Variants in IVD observed in about 807,000 individuals in gnomAD.
The protein encoded by IVD is isovaleryl-CoA dehydrogenase.
IVD carries 31 observed loss-of-function variants against 51.3 expected under a neutral mutation model. The observed-to-expected ratio is 0.60, with a 90% confidence interval of 0.45 to 0.81. The LOEUF (loss-of-function observed/expected upper bound fraction) is 0.81, where lower values mean the gene tolerates loss of function less well. Ranked by LOEUF, IVD falls within the 40% of genes least tolerant of loss-of-function variation. The pLI is 0.00. For synonymous variants in IVD, 205 were observed against 219.4 expected (o/e 0.93, Z 0.58); for missense variants, 475 against 552.0 (o/e 0.86, Z 1.40).
intron 4 of IVD, 72 bp downstream of exon 4, chr15:40,410,869 T>A: frequency 1.3e-6 from 2 of 1,548,672 alleles, no homozygotes; most frequent in Non-Finnish European, 1.8e-6. Context: ...CCTCTCCCCT[T>A]GGGGGCCAGT....
rs1022251731 is a variant in IVD at position 40,413,181 on chromosome 15, G to A, written c.784+94G>A. On this transcript the variant is annotated intron_variant, in intron 7 of 11. Coordinates refer to ENST00000487418, the MANE Select transcript of IVD (RefSeq NM_002225.5). The stretch of plus-strand genomic sequence containing the variant: ...GTTGAGAAAGCCTCTGGGTTAGAGA[G>A]GCTTGGCATTGTTAGCGCTTCAGTG... 27 of 1,016,752 alleles carry A rather than the reference G, an allele frequency of 2.7e-5. 1 individual carries two copies. In the South Asian group the frequency reaches 2.8e-4, roughly 10 times the overall value. The allele number at this position is 1,016,752 out of a possible 1,614,324, so 63.0% of individuals were successfully genotyped here.
chr15:40,427,148 C>T (rs906048108), downstream of IVD, among the ~76,000 whole-genome samples: 4 of 152,144 alleles, frequency 2.6e-5, no homozygotes, highest in African/African-American at 9.7e-5. Flanking sequence ...GGATCAGTGG[C>T]GGAAGTACAG....
downstream of IVD, among the ~76,000 whole-genome samples, chr15:40,427,697 A>G (rs1296267054): frequency 6.6e-6 from 1 of 152,222 alleles, no homozygotes; most frequent in East Asian, 1.9e-4. Context: ...AATTAAGATA[A>G]CTTTACTATA....
chr15:40,422,848 C>T (rs1262923352), downstream of IVD, among the ~76,000 whole-genome samples: 1 of 150,210 alleles, frequency 6.7e-6, no homozygotes, highest in Non-Finnish European at 1.5e-5. Flanking sequence ...GATCCACCGG[C>T]CTCAGCCTCC....
Position 40,411,245 on chromosome 15 carries a change from G to A in IVD, c.457-15G>A, listed in dbSNP as rs773402809. On this transcript the variant is annotated splice_polypyrimidine_tract_variant and intron_variant, in intron 4 of 11. Transcript: ENST00000487418. ...CTGAGGTTGTAACAAGGCCTGTTGG[G>A]GGTTTTCCTTGCAGCTGATCAGTGG... The A allele has an allele frequency of 6.2e-7, 1 of 1,613,652 alleles. No homozygotes were observed. The highest frequency in any genetic ancestry group is 1.1e-5 in the South Asian group (1 of 91,066).
rs751297903 is a variant in IVD at position 40,405,914 on chromosome 15, C to G, written c.87C>G (p.Ala29=). 1.2e-6 allele frequency: 2 copies of G among 1,613,190 alleles called. No homozygotes were observed. The highest frequency in any genetic ancestry group is 1.7e-5 in the Admixed American group (1 of 59,998). The change falls in exon 1 of 12, where the codon GCC becomes GCG. Residue 29 remains alanine (A), a synonymous_variant. Transcript: ENST00000487418. The part of the protein sequence containing the change: ...PPLAGFVSQR[A]HSLLPVDDAI... ...TTGCCGGCTTCGTTTCCCAGCGGGC[C>G]CACTCGCTTTTGCCCGTGGACGATG...
downstream of IVD, chr15:40,424,265 C>A: frequency 9.2e-7 from 1 of 1,088,704 alleles, no homozygotes; most frequent in Non-Finnish European, 1.2e-6. Context: ...TCCCCCTGGG[C>A]CTTCCCCTTC....
In IVD at chr15:40,418,600, T is replaced by A; in HGVS notation, c.*337T>A. 1.1e-6 allele frequency: 1 copy of A among 910,980 alleles called. No individual in the cohort carries two copies. The highest frequency in any genetic ancestry group is 1.4e-6 in the Non-Finnish European group (1 of 715,906). The allele number at this position is 910,980 out of a possible 1,614,324, so 56.4% of individuals were successfully genotyped here. ...GGGTAGGCACCTGGGGGCATGCAGGTGCCCACCTCCCAGGGTAGGCACCTG... is the reference window on the plus strand; with the variant it reads ...GGGTAGGCACCTGGGGGCATGCAGGAGCCCACCTCCCAGGGTAGGCACCTG... On this transcript the variant is annotated 3_prime_UTR_variant, in exon 12 of 12. Transcript: ENST00000487418.
At chr15:40,424,016 G>A (rs564541672), downstream of IVD, 20 of 415,550 alleles carry the variant, frequency 4.8e-5, no homozygotes, top group South Asian at 3.5e-4. Context: ...GCAGGGGGCC[G>A]TTCCAGAATT....
Position 40,420,105 on chromosome 15 carries a change from A to G in IVD, c.*1842A>G, listed in dbSNP as rs1330620777. ...GCAACAGAGTGAGACTCTGTCTCAAAAAATAATAATAAAATAAATGAACAC... is the reference window on the plus strand; with the variant it reads ...GCAACAGAGTGAGACTCTGTCTCAAGAAATAATAATAAAATAAATGAACAC... On this transcript the variant is annotated 3_prime_UTR_variant, in exon 12 of 12. Coordinates refer to ENST00000487418, the MANE Select transcript of IVD (RefSeq NM_002225.5). The G allele has an allele frequency of 2.0e-6, 2 of 984,334 alleles. No individual in the cohort carries two copies. The highest frequency in any genetic ancestry group is 2.3e-4 in the East Asian group (2 of 8,782). The allele number at this position is 984,334 out of a possible 1,614,324, so 61.0% of individuals were successfully genotyped here. A position where few individuals can be genotyped will look rare whatever the true frequency, so the allele number is the denominator to read the frequency against.
Position 40,415,495 on chromosome 15 carries a change from C to G in IVD, c.960+13C>G. 1 of 1,610,758 alleles carries G rather than the reference C, an allele frequency of 6.2e-7. No homozygotes were observed. Among genetic ancestry groups the G allele is most frequent in the Non-Finnish European group, 8.5e-7 (1 of 1,177,286 alleles). The stretch of plus-strand genomic sequence containing the variant: ...CGGCCACTTCCAGGTGAGCCGAGTG[C>G]TTTTGCTGACATGTACTCTTCAACT... On this transcript the variant is annotated intron_variant, in intron 9 of 11. Transcript: ENST00000487418.
chr15:40,417,559 A>G (rs1262294289), intron 11 of IVD, among the ~76,000 whole-genome samples: 1 of 152,058 alleles, frequency 6.6e-6, no homozygotes, highest in African/African-American at 2.4e-5. Context: ...ATAAGTTTCA[A>G]ATCCACACCA....
chr15:40,414,487 T>G, intron 7 of IVD: 2 of 267,260 alleles, frequency 7.5e-6, no homozygotes, highest in Middle Eastern at 1.4e-3. Flanking sequence ...TGCAGGGAGG[T>G]GACATTGGAC....
downstream of IVD, chr15:40,435,707 T>C: frequency 9.8e-7 from 1 of 1,019,070 alleles, no homozygotes; most frequent in Non-Finnish European, 1.2e-6. Context: ...GCCTCACCCC[T>C]ATACCACAGC....
At chr15:40,410,487 A>T (rs909192780) in intron 3 of IVD, 141 bp from the exon 4 acceptor site, 3 of 972,848 alleles carry the variant, frequency 3.1e-6, no homozygotes, top group Admixed American at 3.8e-5. Flanking sequence ...CTGTGGCATC[A>T]GCTTATTCTT....
intron 7 of IVD, among the ~76,000 whole-genome samples, chr15:40,413,839 C>T (rs1389366812): frequency 3.3e-5 from 5 of 151,792 alleles, no homozygotes; most frequent in South Asian, 2.1e-4. Context: ...TACAGGCATG[C>T]GCCACCCTGC....
At chr15:40,413,923 C>T (rs1037223930) in intron 7 of IVD, among the ~76,000 whole-genome samples, 10 of 151,812 alleles carry the variant, frequency 6.6e-5, no homozygotes, top group African/African-American at 2.2e-4. Context: ...TGCAATGGCG[C>T]GATCTTGGCT....
chr15:40,433,955 T>G (rs1445116449), intron 8 of IVD: 1 of 456,338 alleles, frequency 2.2e-6, no homozygotes, highest in Admixed American at 2.4e-5. Flanking sequence ...CAGGGCTCTC[T>G]GAGTAGGTTC....
At chr15:40,407,787 C>G (rs1890616050) in intron 2 of IVD, 62 bp downstream of exon 2, 6 of 1,470,996 alleles carry the variant, frequency 4.1e-6, no homozygotes, top group Admixed American at 3.4e-5. Flanking sequence ...TGCACTGCTG[C>G]CTGGAAGAGC....
Sources: allele counts gnomAD v4.1 joint callset (sites outside exome capture counted in the v4.1 genomes callset), GRCh38; gene constraint gnomAD v4.1.1; transcripts MANE v1.5; gene names NCBI Gene and HGNC (gene_info 2026-07-23, HGNC 2026-07-21).